OSBPL3: variants seen among roughly 807,000 people sequenced by gnomAD.
The protein encoded by OSBPL3 is oxysterol binding protein like 3, also known as oxysterol-binding protein-related protein 3.
Under a neutral mutation model 120.1 loss-of-function variants are expected in OSBPL3, and 65 were observed. The ratio of observed to expected loss-of-function variants is 0.54; its 90% CI spans 0.44 to 0.67. OSBPL3 has a LOEUF of 0.67. Ranked by LOEUF, OSBPL3 falls within the 30% of genes least tolerant of loss-of-function variation. The probability of loss-of-function intolerance (pLI) is 0.00; values close to 1 mark genes in which losing one functional copy is unlikely to be tolerated. For synonymous variants in OSBPL3, 416 were observed against 402.6 expected, an observed-to-expected ratio of 1.03 and a Z score of -0.40; for missense variants, 1,004 against 1,082.1, an observed-to-expected ratio of 0.93 and a Z score of 1.01.
At position 24,852,211 on chromosome 7, in the gene OSBPL3, G is replaced by A. The variant is rs113521724; in HGVS notation, c.1158+293C>T. On this transcript the variant is annotated intron_variant, in intron 11 of 22. Transcript: ENST00000313367. This position sits in a 1 kb window ranked among gnomAD's most constrained non-coding sequence, Gnocchi z 4.1. The stretch of plus-strand genomic sequence containing the variant: ...TAACAGAAAAATGTCTGTAAGACAC[G>A]CACACATACACACAAAAACGTACAA... Among the ~76,000 whole-genome samples, 1 of 152,174 alleles carries A rather than the reference G, an allele frequency of 6.6e-6. No homozygotes were observed. The highest frequency in any genetic ancestry group is 2.4e-5 in the African/African-American group (1 of 41,506).
At chr7:24,945,521 T>A (rs1230180512) in intron 1 of OSBPL3, among the ~76,000 whole-genome samples, 1 of 152,242 alleles carries the variant, frequency 6.6e-6, no homozygotes, top group Admixed American at 6.5e-5. Flanking sequence ...TAAATACTTG[T>A]TGAAAACATC....
rs1189266876 is a variant in OSBPL3 at position 24,851,532 on chromosome 7, T to C, written c.1158+972A>G. Reference sequence around the variant, plus strand: ...TTTTCTAGTTCTCTCAATGCCTGTGTTGGCTTCTGGTTACAAGATCCTAAA... The same window carrying C: ...TTTTCTAGTTCTCTCAATGCCTGTGCTGGCTTCTGGTTACAAGATCCTAAA... On this transcript the variant is annotated intron_variant, in intron 11 of 22. Coordinates refer to ENST00000313367, the MANE Select transcript of OSBPL3 (RefSeq NM_015550.4). The surrounding 1 kb of genome is among the most constrained non-coding windows in gnomAD (Gnocchi z 4.1). 6.6e-6 allele frequency among the ~76,000 whole-genome samples: 1 copy of C among 152,230 alleles called. No individual in the cohort carries two copies. Among genetic ancestry groups the C allele is most frequent in the Non-Finnish European group, 1.5e-5 (1 of 68,042 alleles).
chr7:24,928,139 G>A (rs951375210), intron 1 of OSBPL3, among the ~76,000 whole-genome samples: 19 of 151,398 alleles, frequency 1.3e-4, no homozygotes, highest in Non-Finnish European at 1.3e-4. Context: ...GAGGCCTCCC[G>A]AACCATGTGT....
chr7:24,807,897 AC>A (rs915403615), intron 20 of OSBPL3, among the ~76,000 whole-genome samples: 2 of 151,166 alleles, frequency 1.3e-5, no homozygotes, highest in Non-Finnish European at 3.0e-5. Context: ...TCTTCTGCAG[AC>A]CCCCCCTTTT....
intron 1 of OSBPL3, among the ~76,000 whole-genome samples, chr7:24,909,600 G>A (rs747487120): frequency 9.2e-5 from 14 of 152,090 alleles, no homozygotes; most frequent in Non-Finnish European, 1.6e-4. Context: ...AAATAACATT[G>A]GCCCTAAGAA....
At position 24,932,602 on chromosome 7, in the gene OSBPL3, C is replaced by T. The variant is rs1811921483; in HGVS notation, c.-149-39981G>A. ...TCCCCACAGAGCTGCCTTGTCCCTTCCACCCTGTGAGCACACAGCAAAAAG... is the reference window on the plus strand; with the variant it reads ...TCCCCACAGAGCTGCCTTGTCCCTTTCACCCTGTGAGCACACAGCAAAAAG... On this transcript the variant is annotated intron_variant, in intron 1 of 22. Transcript: ENST00000313367. The surrounding 1 kb of genome is among the most constrained non-coding windows in gnomAD (Gnocchi z 5.6). Among the ~76,000 whole-genome samples, 1 of 152,140 alleles carries T rather than the reference C, an allele frequency of 6.6e-6. No homozygotes were observed. Among genetic ancestry groups the T allele is most frequent in the Non-Finnish European group, 1.5e-5 (1 of 68,016 alleles).
chr7:24,907,688 T>C (rs1393223611), intron 1 of OSBPL3, among the ~76,000 whole-genome samples: 1 of 152,206 alleles, frequency 6.6e-6, no homozygotes, highest in Non-Finnish European at 1.5e-5. Flanking sequence ...AGCATTGCCT[T>C]TTCCATGAAG....
intron 1 of OSBPL3, among the ~76,000 whole-genome samples, chr7:24,921,888 A>G (rs541756488): frequency 6.6e-6 from 1 of 152,212 alleles, no homozygotes; most frequent in Non-Finnish European, 1.5e-5. Context: ...GATTTTTCAA[A>G]AATGTATTTT....
intron 2 of OSBPL3, among the ~76,000 whole-genome samples, chr7:24,890,704 T>C (rs985291734): frequency 6.6e-6 from 1 of 152,168 alleles, no homozygotes; most frequent in African/African-American, 2.4e-5. Context: ...ATTTATAAAG[T>C]CACAGTGTAT....
intron 12 of OSBPL3, among the ~76,000 whole-genome samples, chr7:24,846,693 G>A (rs1165478686): frequency 6.6e-6 from 1 of 152,116 alleles, no homozygotes; most frequent in Non-Finnish European, 1.5e-5. Flanking sequence ...GGTAATTTCT[G>A]ATATTAAAAA....
At chr7:24,840,602 C>T in intron 14 of OSBPL3, 88 bp downstream of exon 14, 1 of 550,272 alleles carries the variant, frequency 1.8e-6, no homozygotes, top group Non-Finnish European at 3.2e-6. Context: ...CACCTTGAAC[C>T]CCCATATTGT....
intron 1 of OSBPL3, among the ~76,000 whole-genome samples, chr7:24,969,099 T>C (rs1365865572): frequency 6.6e-6 from 1 of 152,234 alleles, no homozygotes; most frequent in Non-Finnish European, 1.5e-5. Flanking sequence ...TTTGGACCGA[T>C]TTACATTTCC....
rs552815971 is a variant in OSBPL3 at position 24,803,628 on chromosome 7, G to A, written c.2567+687C>T. Among the ~76,000 whole-genome samples, 5 of 152,116 alleles carry A rather than the reference G, an allele frequency of 3.3e-5. No individual in the cohort carries two copies. Among genetic ancestry groups the A allele is most frequent in the South Asian group, 4.2e-4 (2 of 4,816 alleles). ...TCTACTAAAAATACAAAAATTAGCC[G>A]GGCATGGTGGCACGCGCCTGTAGTC... is the stretch of plus-strand genomic sequence containing the variant. On this transcript the variant is annotated intron_variant, in intron 22 of 22. Coordinates refer to ENST00000313367, the MANE Select transcript of OSBPL3 (RefSeq NM_015550.4). This position sits in a 1 kb window ranked among gnomAD's most constrained non-coding sequence, Gnocchi z 4.2.
chr7:24,901,100 C>A (rs12112976), intron 1 of OSBPL3, among the ~76,000 whole-genome samples: 2 of 151,350 alleles, frequency 1.3e-5, no homozygotes, highest in East Asian at 2.0e-4. Context: ...GAGGCTGAGG[C>A]GGGCGGATCA....
chr7:24,909,783 C>CTTTTTTTTTTTTTTTTT (rs10591188), intron 1 of OSBPL3, among the ~76,000 whole-genome samples: 39 of 77,280 alleles, frequency 5.0e-4, no homozygotes, highest in Non-Finnish European at 5.9e-4. Flanking sequence ...TTTTTTCTTT[C>CTTTTTTTTTTTTTTTTT]TTTTTTTTTT....
rs111330208 is a variant in OSBPL3, at chr7:24,832,156, G to A, written c.1747-1251C>T. ...CAGGAGGTCGAGGCTGCAATGAGCCGTGATTGCACCACTGCATTCCAGCCT... is the reference window on the plus strand; with the variant it reads ...CAGGAGGTCGAGGCTGCAATGAGCCATGATTGCACCACTGCATTCCAGCCT... On this transcript the variant is annotated intron_variant, in intron 15 of 22. Coordinates refer to ENST00000313367, the MANE Select transcript of OSBPL3 (RefSeq NM_015550.4). 2.6e-3 allele frequency among the ~76,000 whole-genome samples: 388 copies of A among 147,970 alleles called. 3 individuals are homozygous for A. The highest frequency in any genetic ancestry group is 9.5e-3 in the African/African-American group (375 of 39,680).
intron 10 of OSBPL3, among the ~76,000 whole-genome samples, chr7:24,856,095 G>C (rs1799806730): frequency 6.6e-6 from 1 of 152,176 alleles, no homozygotes; most frequent in Admixed American, 6.5e-5. Flanking sequence ...CTCTTTCATT[G>C]AGTGTTCAAA....
intron 1 of OSBPL3, among the ~76,000 whole-genome samples, chr7:24,901,698 C>G (rs193064773): frequency 6.6e-6 from 1 of 152,276 alleles, no homozygotes; most frequent in African/African-American, 2.4e-5. Flanking sequence ...CTTTGGTATT[C>G]CTAAACCTCC....
intron 1 of OSBPL3, among the ~76,000 whole-genome samples, chr7:24,950,586 G>A (rs1414718143): frequency 6.6e-6 from 1 of 152,230 alleles, no homozygotes; most frequent in Non-Finnish European, 1.5e-5. Context: ...GCCAGGCGCG[G>A]TGGCGGGTGC....
Sources: allele counts gnomAD v4.1 joint callset (sites outside exome capture counted in the v4.1 genomes callset), GRCh38; gene constraint gnomAD v4.1.1; non-coding constraint Gnocchi (gnomAD v3.1); transcripts MANE v1.5; gene names NCBI Gene and HGNC (gene_info 2026-07-23, HGNC 2026-07-21).